Variants in DPP8 observed in about 807,000 individuals in gnomAD.
The protein encoded by DPP8 is dipeptidyl peptidase 8, also known as DPP VIII.
Under a neutral mutation model 107.5 loss-of-function variants are expected in DPP8, and 31 were observed. That is an observed-to-expected ratio of 0.29 (90% confidence interval 0.22 to 0.39). DPP8 has a LOEUF of 0.39. DPP8 is among the 10% of genes least tolerant of loss of function. The probability of loss-of-function intolerance (pLI) is 1.00; values close to 1 mark genes in which losing one functional copy is unlikely to be tolerated. For synonymous variants in DPP8, 381 were observed against 356.6 expected, an observed-to-expected ratio of 1.07 and a Z score of -0.77; for missense variants, 842 against 1,076.1, an observed-to-expected ratio of 0.78 and a Z score of 3.04.
chr15:65,447,155 T>C, intron 19 of DPP8, 149 bp from the exon 20 acceptor site: 1 of 516,810 alleles, frequency 1.9e-6, no homozygotes, highest in South Asian at 2.9e-5. Context: ...ATCTAAACGC[T>C]CCTCTCTTCA....
At chr15:65,507,746 T>C (rs1239431023) in intron 2 of DPP8, among the ~76,000 whole-genome samples, 1 of 151,130 alleles carries the variant, frequency 6.6e-6, no homozygotes, top group Non-Finnish European at 1.5e-5. Flanking sequence ...CCTCTCAAAA[T>C]AAATATAAAA....
rs375902799 is a variant in DPP8 at position 65,513,336 on chromosome 15, C to T, written c.-11-772G>A. Reference sequence around the variant, plus strand: ...TCACGCCATTCTCTGCCTTAGCCTCCCCAGTAGCTGGGATTACAGGCATGC... The same window carrying T: ...TCACGCCATTCTCTGCCTTAGCCTCTCCAGTAGCTGGGATTACAGGCATGC... On this transcript the variant is annotated intron_variant, in intron 1 of 19. Transcript: ENST00000300141. Among the ~76,000 whole-genome samples, 335 of 152,282 alleles carry T rather than the reference C, an allele frequency of 2.2e-3. 4 individuals are homozygous for T. Among genetic ancestry groups the T allele is most frequent in the African/African-American group, 7.6e-3 (316 of 41,558 alleles).
chr15:65,491,534 A>G (rs1388530545), intron 5 of DPP8, among the ~76,000 whole-genome samples: 1 of 152,188 alleles, frequency 6.6e-6, no homozygotes, highest in African/African-American at 2.4e-5. Context: ...TCAGGTTTGC[A>G]TATTCTAGAA....
chr15:65,494,662 A>AAAG (rs3082807), intron 5 of DPP8, among the ~76,000 whole-genome samples: 3 of 150,446 alleles, frequency 2.0e-5, no homozygotes, highest in East Asian at 1.9e-4. Context: ...AAAAAAAAAA[A>AAAG]GGGCATGAAA....
intron 1 of DPP8, among the ~76,000 whole-genome samples, chr15:65,514,806 G>A (rs921947406): frequency 1.1e-4 from 17 of 152,092 alleles, no homozygotes; most frequent in African/African-American, 2.4e-4. Context: ...CACCGTGCCC[G>A]GCCAACGGAC....
At chr15:65,451,928 T>C (rs2064009663) in intron 18 of DPP8, 32 bp downstream of exon 18, 2 of 1,474,720 alleles carry the variant, frequency 1.4e-6, no homozygotes, top group Admixed American at 4.3e-5. Context: ...CTGTCTCAAT[T>C]TAAAAAAAAA....
Position 65,487,809 on chromosome 15 carries a change from C to T in DPP8, c.836G>A (p.Gly279Asp). The T allele has an allele frequency of 1.3e-6, 2 of 1,547,068 alleles. No individual in the cohort carries two copies. Among genetic ancestry groups the T allele is most frequent in the Non-Finnish European group, 1.8e-6 (2 of 1,131,342 alleles). The change falls in exon 7 of 20, where the codon GGT (glycine) becomes GAT (aspartate). Residue 279 changes from glycine to aspartate, a missense_variant. Coordinates refer to ENST00000300141, the MANE Select transcript of DPP8 (RefSeq NM_130434.5). Reference protein sequence around the residue: ...WCPKAETTPSGGKILRILYEE... With the variant: ...WCPKAETTPSDGKILRILYEE... ...ATATAGAATTCTAAGAATTTTACCACCACTGGGAGCTTAAAAGAAATTTAA... is the reference window on the plus strand; with the variant it reads ...ATATAGAATTCTAAGAATTTTACCATCACTGGGAGCTTAAAAGAAATTTAA...
rs1472516202 is a variant in DPP8, at chr15:65,443,804, T to C, written c.*3080A>G. ...CTATTATTAATCCAACTCCATTCTC[T>C]ATAGAAGAGTTTCTTAAAGTAGTCC... On this transcript the variant is annotated 3_prime_UTR_variant, in exon 20 of 20. Coordinates refer to ENST00000300141, the MANE Select transcript of DPP8 (RefSeq NM_130434.5). 3.3e-5 allele frequency: 5 copies of C among 152,354 alleles called. No individual in the cohort carries two copies. Among genetic ancestry groups the C allele is most frequent in the Non-Finnish European group, 5.9e-5 (4 of 68,044 alleles). 9.4% of individuals were successfully genotyped at this position (152,354 alleles called of 1,614,324 possible).
intron 11 of DPP8, among the ~76,000 whole-genome samples, chr15:65,475,055 T>C (rs1487273874): frequency 1.3e-5 from 2 of 152,226 alleles, no homozygotes; most frequent in Admixed American, 1.3e-4. Flanking sequence ...TCTCTTTTTC[T>C]TTTTGTAAAA....
At chr15:65,454,528 TA>T (rs2064239155) in intron 16 of DPP8, 113 bp from the exon 17 acceptor site, 1 of 944,616 alleles carries the variant, frequency 1.1e-6, no homozygotes, top group Non-Finnish European at 1.5e-6. Flanking sequence ...TTTTAATTTT[TA>T]TTTTATTTAT....
intron 15 of DPP8, 77 bp from the exon 16 acceptor site, chr15:65,456,448 T>C (rs2064429146): frequency 3.6e-6 from 5 of 1,398,150 alleles, no homozygotes; most frequent in Admixed American, 2.4e-5. Context: ...TTGCAAGAAA[T>C]AGAAAGCTTA....
intron 15 of DPP8, among the ~76,000 whole-genome samples, chr15:65,461,917 A>G (rs552456229): frequency 7.0e-6 from 1 of 142,082 alleles, no homozygotes; most frequent in African/African-American, 2.6e-5. Context: ...TTTTTTTTTT[A>G]AAGTTTACAA....
chr15:65,498,075 A>G, intron 4 of DPP8, 43 bp from the exon 5 acceptor site: 1 of 1,413,096 alleles, frequency 7.1e-7, no homozygotes, highest in African/African-American at 1.4e-5. Context: ...TTAGGCTGAC[A>G]CATACATGTT....
intron 10 of DPP8, 150 bp from the exon 11 acceptor site, chr15:65,479,189 T>C: frequency 2.0e-6 from 1 of 511,946 alleles, no homozygotes; most frequent in Non-Finnish European, 3.2e-6. Context: ...TAATAAATTT[T>C]GCTTGGGGCT....
intron 19 of DPP8, among the ~76,000 whole-genome samples, chr15:65,450,462 A>G (rs967431945): frequency 1.5e-4 from 23 of 152,212 alleles, no homozygotes; most frequent in African/African-American, 5.3e-4. Flanking sequence ...TTAAAAAGGA[A>G]AAAGTAATTT....
At chr15:65,514,906 T>C (rs1479909949) in intron 1 of DPP8, among the ~76,000 whole-genome samples, 1 of 152,198 alleles carries the variant, frequency 6.6e-6, no homozygotes, top group Non-Finnish European at 1.5e-5. Flanking sequence ...TGTGTTACGT[T>C]TGGAAGTTCA....
At position 65,444,937 on chromosome 15, in the gene DPP8, A is replaced by T. The variant is rs1028089257; in HGVS notation, c.*1947T>A. 3.3e-5 allele frequency: 5 copies of T among 152,234 alleles called. No homozygotes were observed. The highest frequency in any genetic ancestry group is 2.0e-4 in the Admixed American group (3 of 15,280). 9.4% of individuals were successfully genotyped at this position (152,234 alleles called of 1,614,324 possible). ...CCCTCCACAGTCAGATATATACTTAAGGGGGAAAATACTTTCTTGGGGAAG... is the reference window on the plus strand; with the variant it reads ...CCCTCCACAGTCAGATATATACTTATGGGGGAAAATACTTTCTTGGGGAAG... On this transcript the variant is annotated 3_prime_UTR_variant, in exon 20 of 20. Transcript: ENST00000300141.
At chr15:65,501,458 A>G (rs900611392) in intron 3 of DPP8, among the ~76,000 whole-genome samples, 3 of 152,184 alleles carry the variant, frequency 2.0e-5, no homozygotes, top group African/African-American at 7.2e-5. Context: ...CCAAGCTTTG[A>G]CCCTTCACTA....
At chr15:65,489,938 C>T (rs1046836425) in intron 6 of DPP8, among the ~76,000 whole-genome samples, 1 of 152,034 alleles carries the variant, frequency 6.6e-6, no homozygotes, top group Non-Finnish European at 1.5e-5. Flanking sequence ...AGGCTGGTCT[C>T]GAACTCCTGA....
Sources: gnomAD v4.1 joint callset for allele counts (sites outside exome capture counted in the v4.1 genomes callset) on GRCh38, gnomAD v4.1.1 for gene constraint, MANE v1.5 for transcripts, NCBI Gene and HGNC (gene_info 2026-07-23, HGNC 2026-07-21) for gene names.